FBXW10: variants seen among roughly 807,000 people sequenced by gnomAD.
The protein encoded by FBXW10 is F-box/WD repeat-containing protein 10.
FBXW10 carries 68 observed loss-of-function variants against 113.1 expected under a neutral mutation model. That is an observed-to-expected ratio of 0.60 (90% CI 0.49 to 0.74). The LOEUF is 0.74. FBXW10 is among the 30% of genes least tolerant of loss of function. FBXW10 has a pLI of 0.00. For synonymous variants in FBXW10, 289 were observed against 481.6 expected (o/e 0.60, Z 5.24); for missense variants, 753 against 1,284.5 (o/e 0.59, Z 6.32).
chr17:18,744,860 A>C (rs2035010458), intron 1 of FBXW10, 111 bp downstream of exon 1: 1 of 1,541,018 alleles, frequency 6.5e-7, no homozygotes. Context: ...CAGAGATTGC[A>C]CAGAACTCAG....
intron 11 of FBXW10, among the ~76,000 whole-genome samples, chr17:18,772,022 G>A (rs1390974180): frequency 6.6e-6 from 1 of 152,086 alleles, no homozygotes; most frequent in Non-Finnish European, 1.5e-5. Context: ...CACGAGAATC[G>A]CTTGAACCCA....
rs548397937 is a variant in FBXW10 at position 18,751,442 on chromosome 17, A to G, written c.1122+389A>G. ...AGGCGGGGTTTCACCGTGTTAGCCC[A>G]GATGGTCTTGATCTCCTGACCTTGT... On this transcript the variant is annotated intron_variant, in intron 5 of 13. Transcript: ENST00000395665. Among the ~76,000 whole-genome samples, 637 of 151,916 alleles carry G rather than the reference A, an allele frequency of 4.2e-3. 4 individuals are homozygous for G. Among genetic ancestry groups the G allele is most frequent in the African/African-American group, 0.014 (575 of 41,408 alleles).
chr17:18,749,980 G>A, intron 3 of FBXW10, 30 bp from the exon 4 acceptor site: 1 of 1,613,912 alleles, frequency 6.2e-7, no homozygotes, highest in Non-Finnish European at 8.5e-7. Context: ...CCCAGTTCTG[G>A]GGTTTCTGGG....
intron 2 of FBXW10, among the ~76,000 whole-genome samples, chr17:18,748,744 C>T (rs1425848553): frequency 6.6e-6 from 1 of 152,186 alleles, no homozygotes; most frequent in Non-Finnish European, 1.5e-5. Context: ...TCTTTCTCTG[C>T]TCTGGGCCAC....
chr17:18,750,853 C>T (rs1448548455), intron 4 of FBXW10, 78 bp from the exon 5 acceptor site: 2 of 1,502,750 alleles, frequency 1.3e-6, no homozygotes, highest in Non-Finnish European at 1.8e-6. Context: ...TAGTTTTTCC[C>T]TTCCTCCTGC....
intron 2 of FBXW10, among the ~76,000 whole-genome samples, chr17:18,748,476 G>A (rs1027455644): frequency 1.3e-5 from 2 of 150,728 alleles, no homozygotes; most frequent in African/African-American, 4.9e-5. Context: ...AGACCCAGTG[G>A]AACTGGAGGG....
rs777473501 is a variant in FBXW10 at position 18,771,468 on chromosome 17, G to A, written c.2007-944G>A. Among the ~76,000 whole-genome samples, 9 of 152,246 alleles carry A rather than the reference G, an allele frequency of 5.9e-5. No homozygotes were observed. The South Asian group carries it at 8.3e-4, about 14-fold the overall frequency. ...GAAGGGGACAGGGAGGGCAAGTTCCGGAGCTCTTTGTCTATGGAGCATTAA... is the reference window on the plus strand; with the variant it reads ...GAAGGGGACAGGGAGGGCAAGTTCCAGAGCTCTTTGTCTATGGAGCATTAA... On this transcript the variant is annotated intron_variant, in intron 11 of 13. Transcript: ENST00000395665.
intron 5 of FBXW10, among the ~76,000 whole-genome samples, chr17:18,751,521 C>T (rs999737518): frequency 1.3e-5 from 2 of 152,196 alleles, no homozygotes; most frequent in African/African-American, 4.8e-5. Context: ...TGAGCCACCG[C>T]GCTCAGCCCG....
intron 5 of FBXW10, among the ~76,000 whole-genome samples, chr17:18,755,666 C>T (rs533412488): frequency 2.0e-3 from 298 of 152,224 alleles, no homozygotes; most frequent in African/African-American, 6.9e-3. Context: ...ATACATATGA[C>T]GTTCCGACTT....
chr17:18,755,257 C>G (rs968836310), intron 5 of FBXW10, among the ~76,000 whole-genome samples: 4 of 150,848 alleles, frequency 2.7e-5, no homozygotes, highest in Non-Finnish European at 5.9e-5. Context: ...GAGTGAAACT[C>G]CGTCTTAAAA....
In FBXW10 at chr17:18,778,575, T is replaced by C. The variant is rs576048793; in HGVS notation, c.2436T>C (p.Pro812=). 9.3e-6 allele frequency: 15 copies of C among 1,614,028 alleles called. No homozygotes were observed. The East Asian group carries it at 3.3e-4, about 36-fold the overall frequency. The change falls in exon 14 of 14, where the codon CCT becomes CCC. Residue 812 remains proline (P), a synonymous_variant. Transcript: ENST00000395665. ...AGTCTTGGAAAATCCCTATGTCACC[T>C]GACCAATTCCTCCTGACTGTTAGCG... is the stretch of plus-strand genomic sequence containing the variant. ...KKKSWKIPMS[P]DQFLLTVSAL...
chr17:18,757,688 C>CT (rs112612709), intron 6 of FBXW10, among the ~76,000 whole-genome samples: 22,698 of 146,280 alleles, frequency 0.16, no homozygotes, highest in East Asian at 0.23. Context: ...ATAAAAAACT[C>CT]TCAGTTTGGA....
intron 1 of FBXW10, among the ~76,000 whole-genome samples, chr17:18,745,931 AAG>A (rs2035031936): frequency 6.6e-6 from 1 of 152,220 alleles, no homozygotes; most frequent in South Asian, 2.1e-4. Flanking sequence ...TTCTAAGGAA[AAG>A]AGTTTTATTT....
At chr17:18,775,231 G>T in intron 13 of FBXW10, 39 bp downstream of exon 13, 1 of 1,398,272 alleles carries the variant, frequency 7.2e-7, no homozygotes, top group Non-Finnish European at 1.0e-6. Context: ...GGGAACAAGT[G>T]GCACGGATGG....
chr17:18,748,064 C>T lies in FBXW10; in HGVS notation c.629C>T (p.Ala210Val), dbSNP rs1371524977. ...CACACATCCCTTCCTTTGTCCAAAG[C>T]CCCAGAAAATGAACACTTGCTTGGG... is the stretch of plus-strand genomic sequence containing the variant. ...TQHTSLPLSK[A>V]PENEHLLGAA... Residue 210 changes from alanine to valine, a missense_variant, in exon 2 of 14, where the codon GCC (alanine) becomes GTC (valine). Physicochemically the swap from Ala to Val is moderately conservative, Grantham distance 64 (BLOSUM62 0). Coordinates refer to ENST00000395665, the MANE Select transcript of FBXW10 (RefSeq NM_001267585.2). 6.2e-7 allele frequency: 1 copy of T among 1,613,760 alleles called. No homozygotes were observed. The highest frequency in any genetic ancestry group is 8.5e-7 in the Non-Finnish European group (1 of 1,179,854).
At chr17:18,777,904 T>C (rs558343615) in intron 13 of FBXW10, among the ~76,000 whole-genome samples, 2 of 152,180 alleles carry the variant, frequency 1.3e-5, no homozygotes, top group East Asian at 3.9e-4. Flanking sequence ...ATTCAAAATA[T>C]GCTCACTTAG....
chr17:18,757,961 G>A (rs926295843), intron 6 of FBXW10, among the ~76,000 whole-genome samples: 3 of 152,170 alleles, frequency 2.0e-5, no homozygotes, highest in African/African-American at 7.2e-5. Context: ...GTGTTCCTCT[G>A]ACGTTTTCCA....
At chr17:18,774,377 C>G (rs947547046) in intron 12 of FBXW10, among the ~76,000 whole-genome samples, 1 of 152,234 alleles carries the variant, frequency 6.6e-6, no homozygotes, top group Non-Finnish European at 1.5e-5. Flanking sequence ...TTACTTTTCA[C>G]AGACTCCAGG....
chr17:18,753,718 T>C (rs1455314776), intron 5 of FBXW10, among the ~76,000 whole-genome samples: 4 of 151,262 alleles, frequency 2.6e-5, no homozygotes, highest in Non-Finnish European at 5.9e-5. Context: ...ACTAAAAATA[T>C]AGAAAATTAG....
Sources: allele counts gnomAD v4.1 joint callset (sites outside exome capture counted in the v4.1 genomes callset), GRCh38; gene constraint gnomAD v4.1.1; transcripts MANE v1.5; gene names NCBI Gene and HGNC (gene_info 2026-07-23, HGNC 2026-07-21).